The following C4orf50 variants were observed in gnomAD, a reference collection of about 807,000 sequenced individuals.
The protein encoded by C4orf50 is chromosome 4 open reading frame 50.
A neutral mutation model predicts 77.2 loss-of-function variants in C4orf50; 80 were observed. The observed-to-expected ratio is 1.04, with a 90% CI of 0.87 to 1.25. The LOEUF is 1.25. Ranked by LOEUF, C4orf50 falls within the 50% of genes most tolerant of loss-of-function variation. The probability of loss-of-function intolerance (pLI) is 0.00; values close to 1 mark genes in which losing one functional copy is unlikely to be tolerated. For synonymous variants in C4orf50, 532 were observed against 465.3 expected (o/e 1.14, Z -1.84); for missense variants, 1,257 against 1,152.9 (o/e 1.09, Z -1.31).
At chr4:5,938,535 C>A (rs1222473962) in intron 7 of C4orf50, among the ~76,000 whole-genome samples, 1 of 152,096 alleles carries the variant, frequency 6.6e-6, no homozygotes, top group African/African-American at 2.4e-5. Context: ...GAATAAGAAA[C>A]AATATTAGGG....
chr4:5,913,416 T>C (rs534757892), intron 7 of C4orf50, among the ~76,000 whole-genome samples: 1 of 150,994 alleles, frequency 6.6e-6, no homozygotes, highest in South Asian at 2.1e-4. Flanking sequence ...GTAGTGAGGG[T>C]CAGAGAAAGC....
chr4:5,987,782 C>T (rs1720960888), intron 28 of C4orf50, among the ~76,000 whole-genome samples: 1 of 152,114 alleles, frequency 6.6e-6, no homozygotes, highest in South Asian at 2.1e-4. Context: ...ACCGTAGGAA[C>T]ATTATGAGTG....
chr4:5,927,103 A>G (rs1195886628), intron 7 of C4orf50, among the ~76,000 whole-genome samples: 2 of 152,210 alleles, frequency 1.3e-5, no homozygotes, highest in Non-Finnish European at 2.9e-5. Context: ...GGTGGTGACC[A>G]CAAAGCAGGA....
chr4:6,014,013 T>TTA, intron 23 of C4orf50, among the ~76,000 whole-genome samples: 1 of 151,992 alleles, frequency 6.6e-6, no homozygotes. Flanking sequence ...GTGTTTTTTT[T>TTA]TTTTTTGAGA....
At chr4:5,930,061 C>T (rs1261265843) in intron 7 of C4orf50, among the ~76,000 whole-genome samples, 1 of 152,160 alleles carries the variant, frequency 6.6e-6, no homozygotes, top group East Asian at 1.9e-4. Flanking sequence ...ATGATGACAA[C>T]CAGGTGTTGA....
At chr4:5,930,890 A>G (rs1717739702) in intron 7 of C4orf50, among the ~76,000 whole-genome samples, 1 of 152,244 alleles carries the variant, frequency 6.6e-6, no homozygotes, top group Non-Finnish European at 1.5e-5. Flanking sequence ...CATAAGTGGA[A>G]GAAGAGTGCT....
intron 7 of C4orf50, among the ~76,000 whole-genome samples, chr4:5,936,818 T>A (rs1456969747): frequency 2.0e-5 from 3 of 152,070 alleles, no homozygotes; most frequent in Non-Finnish European, 4.4e-5. Context: ...ATATGTCTTA[T>A]AGCAGAACTC....
intron 25 of C4orf50, among the ~76,000 whole-genome samples, chr4:6,001,154 TTTTTC>T (rs1424570318): frequency 1.6e-4 from 25 of 152,138 alleles, no homozygotes; most frequent in African/African-American, 5.8e-4. Flanking sequence ...CAATGACATT[TTTTTC>T]TTTTATTTTT....
At chr4:5,994,722 G>A (rs1258427567) in intron 25 of C4orf50, among the ~76,000 whole-genome samples, 2 of 152,318 alleles carry the variant, frequency 1.3e-5, no homozygotes, top group East Asian at 1.9e-4. Flanking sequence ...CGAGGGCAGC[G>A]TTCAGTCCTC....
rs1577965701 is a variant in C4orf50 at position 5,984,546 on chromosome 4, A to G, written c.3699+3801T>C. 2.6e-5 allele frequency among the ~76,000 whole-genome samples: 4 copies of G among 152,242 alleles called. No homozygotes were observed. The East Asian group carries it at 7.7e-4, about 29-fold the overall frequency. On this transcript the variant is annotated intron_variant, in intron 28 of 33. Coordinates refer to ENST00000531445, the Ensembl canonical transcript of C4orf50. ...CTCTTTTTAAAAGAATAAAATTGAT[A>G]TTCTAGAACTGCAAAATACAATAAA...
At chr4:5,940,552 A>C (rs1718216230) in intron 7 of C4orf50, among the ~76,000 whole-genome samples, 1 of 152,178 alleles carries the variant, frequency 6.6e-6, no homozygotes, top group Non-Finnish European at 1.5e-5. Flanking sequence ...CCTGGTAAGT[A>C]ATCAGGGCCT....
intron 7 of C4orf50, among the ~76,000 whole-genome samples, chr4:5,949,989 C>A (rs1257683335): frequency 3.2e-3 from 364 of 115,232 alleles, no homozygotes; most frequent in East Asian, 8.5e-3. Flanking sequence ...AACTCCATCT[C>A]AAAAAAAAAA....
chr4:5,957,925 C>G (rs1021411894), exon 34 of C4orf50: 4 of 152,168 alleles, frequency 2.6e-5, no homozygotes, highest in African/African-American at 9.7e-5. Context: ...GAAGAGTCTA[C>G]GGGAACTCTG....
At chr4:5,978,866 C>G (rs149835985) in intron 29 of C4orf50, among the ~76,000 whole-genome samples, 2 of 152,332 alleles carry the variant, frequency 1.3e-5, no homozygotes, top group African/African-American at 4.8e-5. Flanking sequence ...TCATAGATTA[C>G]CACACAGTCA....
chr4:6,016,901 C>G lies in C4orf50; in HGVS notation c.287+1244G>C, dbSNP rs114875846. 7.8e-3 allele frequency among the ~76,000 whole-genome samples: 1,183 copies of G among 152,212 alleles called. 13 individuals are homozygous for G. Among genetic ancestry groups the G allele is most frequent in the Middle Eastern group, 0.02 (6 of 294 alleles). On this transcript the variant is annotated intron_variant, in intron 23 of 33. Transcript: ENST00000531445. Reference sequence around the variant, plus strand: ...CAAGTACAAGAAAATGGGGAAGTCCCGCAAAAATCCAAGGCACGTGGCTGC... The same window carrying G: ...CAAGTACAAGAAAATGGGGAAGTCCGGCAAAAATCCAAGGCACGTGGCTGC...
chr4:5,966,032 A>C (rs1719543662), intron 32 of C4orf50, among the ~76,000 whole-genome samples: 1 of 152,244 alleles, frequency 6.6e-6, no homozygotes, highest in Non-Finnish European at 1.5e-5. Flanking sequence ...TGGGAGCCCC[A>C]TCCCGCCCCC....
At chr4:5,988,685 G>T in exon 28 of C4orf50, 1 of 1,536,080 alleles carries the variant, frequency 6.5e-7, no homozygotes, top group Non-Finnish European at 8.7e-7. Context: ...TTTCCCTGGA[G>T]GTGCTCCCTT....
downstream of C4orf50, among the ~76,000 whole-genome samples, chr4:5,954,380 G>A (rs1192973172): frequency 6.6e-6 from 1 of 152,148 alleles, no homozygotes. This position sits in a 1 kb window ranked among gnomAD's most constrained non-coding sequence, Gnocchi z 4.7. Flanking sequence ...CCCTGCACCT[G>A]CTGCCCGATG....
chr4:5,938,575 T>C (rs1040847641), intron 7 of C4orf50, among the ~76,000 whole-genome samples: 1 of 114,958 alleles, frequency 8.7e-6, no homozygotes, highest in African/African-American at 3.0e-5. Context: ...CTAGGTCCCT[T>C]GAACAGGCCA....
Sources: allele counts gnomAD v4.1 joint callset (sites outside exome capture counted in the v4.1 genomes callset), GRCh38; gene constraint gnomAD v4.1.1; non-coding constraint Gnocchi (gnomAD v3.1); transcripts MANE v1.5; gene names NCBI Gene and HGNC (gene_info 2026-07-23, HGNC 2026-07-21).